Variants in RNF213 observed in about 807,000 individuals in gnomAD.
RNF213 encodes the protein E3 ubiquitin-protein ligase RNF213.
Under a neutral mutation model 514.4 loss-of-function variants are expected in RNF213, and 341 were observed. The ratio of observed to expected loss-of-function variants is 0.66; its 90% CI spans 0.61 to 0.73. RNF213 has a LOEUF of 0.73. Among genes scored for constraint, RNF213 ranks in the 30% least tolerant of loss-of-function variants. The pLI, the probability that RNF213 is intolerant of heterozygous loss-of-function variation, is 0.00. For missense variants in RNF213, 5,767 were observed against 6,615.6 expected (o/e 0.87, Z 4.45); for synonymous variants, 2,655 against 2,658.2 (o/e 1.00, Z 0.04).
Position 80,375,860 on chromosome 17 carries a change from C to G in RNF213, c.13175C>G (p.Pro4392Arg). Residue 4392 changes from proline to arginine, a missense_variant, in exon 51 of 68, where the codon CCC becomes CGC. This residue lies in a region of RNF213 where 1,245 missense variants were observed against 1,339.0 expected (regional missense o/e 0.93). Coordinates refer to ENST00000582970, the MANE Select transcript of RNF213 (RefSeq NM_001256071.3). The stretch of plus-strand genomic sequence containing the variant: ...AGATCCCACAATGCAAGCCTCCACC[C>G]CACGCCAGAGGTGAGTAACCGCCTG... ...LYRSHNASLHPTPEQCEAVSK... is the reference protein window; with the variant it reads ...LYRSHNASLHRTPEQCEAVSK... The G allele has an allele frequency of 6.2e-7, 1 of 1,610,544 alleles. No individual in the cohort carries two copies. The highest frequency in any genetic ancestry group is 8.5e-7 in the Non-Finnish European group (1 of 1,176,706).
chr17:80,372,759 C>T (rs753469899), intron 48 of RNF213, 25 bp downstream of exon 48: 2 of 1,608,158 alleles, frequency 1.2e-6, no homozygotes, highest in Non-Finnish European at 1.7e-6. Flanking sequence ...CCTTGCTTTC[C>T]TTTGGGTTTA....
rs530351093 is a variant in RNF213 at position 80,305,203 on chromosome 17, A to C, written c.2211-1049A>C. Among the ~76,000 whole-genome samples the C allele has an allele frequency of 1.7e-4, 11 of 65,820 alleles. No homozygotes were observed. In the South Asian group the frequency reaches 3.8e-3, roughly 23 times the overall value. 43.2% of individuals were successfully genotyped at this position (65,820 alleles called of 152,430 possible). A position where few individuals can be genotyped will look rare whatever the true frequency, so the allele number is the denominator to read the frequency against. On this transcript the variant is annotated intron_variant, in intron 11 of 67. Coordinates refer to ENST00000582970, the MANE Select transcript of RNF213 (RefSeq NM_001256071.3). ...AGTGAACTTTTTTTTTTTTTGAGAC[A>C]GTTTTGGTCTCATTGCCTATGCTGG...
At chr17:80,336,532 G>C (rs2077992392) in intron 23 of RNF213, 154 bp downstream of exon 23, 1 of 742,826 alleles carries the variant, frequency 1.3e-6, no homozygotes, top group Non-Finnish European at 2.4e-6. Flanking sequence ...TTCATAAATG[G>C]AAATTCACCA....
chr17:80,390,112 T>G lies in RNF213; in HGVS notation c.15386T>G (p.Phe5129Cys), dbSNP rs1189133654. ...CTAAATCAGACTGGCCTAGACGCCT[T>G]CCTGCTAGAGCTGCACGAAATGATA... is the stretch of plus-strand genomic sequence containing the variant. ...TFLNQTGLDA[F>C]LLELHEMIIL... Residue 5129 changes from phenylalanine to cysteine, a missense_variant, in exon 67 of 68, where the codon TTC becomes TGC. Coordinates refer to ENST00000582970, the MANE Select transcript of RNF213 (RefSeq NM_001256071.3). The G allele has an allele frequency of 6.2e-7, 1 of 1,614,196 alleles. No homozygotes were observed. Among genetic ancestry groups the G allele is most frequent in the East Asian group, 2.2e-5 (1 of 44,874 alleles).
chr17:80,353,698 G>A lies in RNF213; in HGVS notation c.10578+32G>A, dbSNP rs202124314. 6.2e-6 allele frequency: 10 copies of A among 1,613,914 alleles called. No individual in the cohort carries two copies. Among genetic ancestry groups the A allele is most frequent in the Non-Finnish European group, 7.6e-6 (9 of 1,179,890 alleles). ...TCTGGTTCTTGGGACCTCCCCTTGT[G>A]CTGCTGGTGATGCTTCTGAGCTGCA... On this transcript the variant is annotated intron_variant, in intron 34 of 67. Coordinates refer to ENST00000582970, the MANE Select transcript of RNF213 (RefSeq NM_001256071.3). This position sits in a 1 kb window ranked among gnomAD's most constrained non-coding sequence, Gnocchi z 5.0.
At chr17:80,349,527 G>A (rs1255602982) in intron 29 of RNF213, among the ~76,000 whole-genome samples, 1 of 152,210 alleles carries the variant, frequency 6.6e-6, no homozygotes, top group Non-Finnish European at 1.5e-5. Flanking sequence ...CCTCTGGGGA[G>A]GAGAGGAAGG....
At chr17:80,318,760 A>C (rs2046033618) in intron 16 of RNF213, among the ~76,000 whole-genome samples, 1 of 151,872 alleles carries the variant, frequency 6.6e-6, no homozygotes, top group Non-Finnish European at 1.5e-5. Context: ...TTTTTTGTAG[A>C]GACGGGGTTT....
chr17:80,272,635 T>C (rs2043863089), intron 2 of RNF213, among the ~76,000 whole-genome samples: 1 of 152,106 alleles, frequency 6.6e-6, no homozygotes, highest in Non-Finnish European at 1.5e-5. Flanking sequence ...ACTGGCATAC[T>C]GGGGATCAAC....
chr17:80,316,920 A>G (rs961192008), intron 15 of RNF213, among the ~76,000 whole-genome samples: 1 of 152,200 alleles, frequency 6.6e-6, no homozygotes, highest in African/African-American at 2.4e-5. Context: ...AACATGAGAG[A>G]TAAGTCCTTT....
chr17:80,380,757 C>T, intron 55 of RNF213, 74 bp from the exon 56 acceptor site: 1 of 1,551,254 alleles, frequency 6.4e-7, no homozygotes, highest in African/African-American at 1.4e-5. Context: ...AGCCTCACTC[C>T]AAGTGCTGAG....
At chr17:80,272,509 C>T (rs919442836) in intron 2 of RNF213, among the ~76,000 whole-genome samples, 1 of 152,236 alleles carries the variant, frequency 6.6e-6, no homozygotes, top group African/African-American at 2.4e-5. Context: ...AATCCATTCC[C>T]GAGGGGAGTA....
intron 38 of RNF213, 179 bp downstream of exon 38, chr17:80,360,385 C>A: frequency 1.4e-6 from 1 of 723,876 alleles, no homozygotes; most frequent in South Asian, 1.6e-5. Context: ...AAAGTTTCTG[C>A]TGAAGGAGTG....
At chr17:80,300,192 C>T (rs916717198) in intron 11 of RNF213, among the ~76,000 whole-genome samples, 3 of 152,200 alleles carry the variant, frequency 2.0e-5, no homozygotes, top group African/African-American at 4.8e-5. Context: ...TTTTTCTCCG[C>T]AACCTCACCA....
At chr17:80,329,780 G>A (rs181588077) in intron 20 of RNF213, among the ~76,000 whole-genome samples, 15 of 152,258 alleles carry the variant, frequency 9.9e-5, no homozygotes, top group African/African-American at 3.1e-4. Context: ...GCAGTGAGCC[G>A]AAATCACGCC....
intron 17 of RNF213, among the ~76,000 whole-genome samples, chr17:80,322,164 T>TCC (rs2046161419): frequency 8.5e-6 from 1 of 116,986 alleles, no homozygotes; most frequent in Non-Finnish European, 1.7e-5. Flanking sequence ...CCCCCCCTTT[T>TCC]TTTTTTTTTT....
At position 80,343,951 on chromosome 17, in the gene RNF213, AT is replaced by A. The variant is rs761713794; in HGVS notation, c.6281del (p.Leu2094CysfsTer45). On this transcript the variant is annotated frameshift_variant, in exon 28 of 68. Coordinates refer to ENST00000582970, the MANE Select transcript of RNF213 (RefSeq NM_001256071.3). LOFTEE classifies it high-confidence loss of function. The surrounding 1 kb of genome is among the most constrained non-coding windows in gnomAD (Gnocchi z 4.3). ...NGKMWLRNPC[H>X]LYIVEILERR... ...AAAATGTGGCTTCGGAACCCCTGCCATTTGTATATCGTTGAAATCCTGGAAA... is the reference window on the plus strand; with the variant it reads ...AAAATGTGGCTTCGGAACCCCTGCCATTGTATATCGTTGAAATCCTGGAAA... 9.9e-6 allele frequency: 16 copies of A among 1,614,164 alleles called. No homozygotes were observed. In the East Asian group the frequency reaches 3.6e-4, roughly 36 times the overall value.
Position 80,263,744 on chromosome 17 carries a change from CGGAGA to C in RNF213, c.65_69del (p.Gly22GlufsTer12). Reference sequence around the variant, plus strand: ...AAACCCCCAAGTTCTGCAGCCAGTGCGGAGAGAGGCTGCCTCCTGCAGCCCCCATA... The same window carrying C: ...AAACCCCCAAGTTCTGCAGCCAGTGCGAGGCTGCCTCCTGCAGCCCCCATA... On this transcript the variant is annotated frameshift_variant, in exon 2 of 68. Coordinates refer to ENST00000582970, the MANE Select transcript of RNF213 (RefSeq NM_001256071.3). LOFTEE classifies it high-confidence loss of function. The surrounding 1 kb of genome is among the most constrained non-coding windows in gnomAD (Gnocchi z 4.9). 3 of 1,614,068 alleles carry C rather than the reference CGGAGA, an allele frequency of 1.9e-6. No homozygotes were observed. The highest frequency in any genetic ancestry group is 1.7e-4 in the Middle Eastern group (1 of 6,058).
chr17:80,327,807 T>C lies in RNF213; in HGVS notation c.3194-9T>C. 1 of 1,532,428 alleles carries C rather than the reference T, an allele frequency of 6.5e-7. No homozygotes were observed. Among genetic ancestry groups the C allele is most frequent in the Non-Finnish European group, 8.7e-7 (1 of 1,143,172 alleles). 94.9% of individuals were successfully genotyped at this position (1,532,428 alleles called of 1,614,324 possible). A position where few individuals can be genotyped will look rare whatever the true frequency, so the allele number is the denominator to read the frequency against. On this transcript the variant is annotated splice_polypyrimidine_tract_variant and intron_variant, in intron 18 of 67. Transcript: ENST00000582970. ...CCCACTGTGTTAACTGTGTTCTTCA[T>C]CTATTCAGGAACCGACGAGAAAATA...
At chr17:80,352,000 G>A (rs551736478) in intron 32 of RNF213, 197 bp downstream of exon 32, 21 of 451,274 alleles carry the variant, frequency 4.7e-5, no homozygotes, top group African/African-American at 8.0e-5. Flanking sequence ...CATTACAGGC[G>A]TGCGCCACCA....
Sources: allele counts gnomAD v4.1 joint callset (sites outside exome capture counted in the v4.1 genomes callset), GRCh38; gene constraint gnomAD v4.1.1; regional missense constraint gnomAD v4.1.1; non-coding constraint Gnocchi (gnomAD v3.1); transcripts MANE v1.5; gene names NCBI Gene and HGNC (gene_info 2026-07-23, HGNC 2026-07-21).